Variants in MGAT5B observed in about 807,000 individuals in gnomAD.
MGAT5B encodes N-acetylglucosaminyl-transferase Vb.
MGAT5B carries 54 observed loss-of-function variants against 95.1 expected under a neutral mutation model. The ratio of observed to expected loss-of-function variants is 0.57; its 90% CI spans 0.46 to 0.71. The LOEUF (loss-of-function observed/expected upper bound fraction) is 0.71, where lower values mean the gene tolerates loss of function less well. MGAT5B is among the 30% of genes least tolerant of loss of function. The pLI is 0.00. For missense variants in MGAT5B, 935 were observed against 1,088.6 expected (o/e 0.86, Z 1.99); for synonymous variants, 464 against 451.0 (o/e 1.03, Z -0.36).
At chr17:76,873,510 C>T (rs558275081) in intron 2 of MGAT5B, among the ~76,000 whole-genome samples, 1 of 152,330 alleles carries the variant, frequency 6.6e-6, no homozygotes, top group Admixed American at 6.5e-5. Context: ...TCATCACCTA[C>T]CAGCTGTGTG....
chr17:76,943,617 G>A (rs1042553997), intron 15 of MGAT5B, among the ~76,000 whole-genome samples: 4 of 118,350 alleles, frequency 3.4e-5, no homozygotes, highest in Non-Finnish European at 5.2e-5. Flanking sequence ...TAGAGATGGG[G>A]TGGGGTGGGG....
At chr17:76,946,483 C>T (rs1288365503) in intron 16 of MGAT5B, 33 bp downstream of exon 16, 1 of 1,541,462 alleles carries the variant, frequency 6.5e-7, no homozygotes, top group East Asian at 2.4e-5. Flanking sequence ...GCCCCAGATC[C>T]TGTCAGACCA....
chr17:76,931,936 G>A (rs1400742604), intron 10 of MGAT5B, among the ~76,000 whole-genome samples: 1 of 152,074 alleles, frequency 6.6e-6, no homozygotes, highest in Non-Finnish European at 1.5e-5. Context: ...GGTCACCCGG[G>A]GGCCTCAGCC....
Position 76,938,079 on chromosome 17 carries a change from C to T in MGAT5B, c.1520C>T (p.Ala507Val), listed in dbSNP as rs1969734569. Residue 507 changes from alanine (A) to valine (V), a missense_variant, in exon 13 of 18, where the codon GCC becomes GTC. Around this residue, in one of 4 missense-constraint regions of MGAT5B, gnomAD observed 440 missense variants for 523.6 expected, o/e 0.84. Transcript: ENST00000569840. The surrounding 1 kb of genome is among the most constrained non-coding windows in gnomAD (Gnocchi z 4.3). ...AGCCAGCGGCCCCCCGAGGTGCCAG[C>T]CTTTGTGAAGAACCACGGCCTCTTA... ...YESQRPPEVP[A>V]FVKNHGLLPQ... is the part of the protein sequence containing the mutation. 5 of 1,614,248 alleles carry T rather than the reference C, an allele frequency of 3.1e-6. No homozygotes were observed. The highest frequency in any genetic ancestry group is 4.2e-6 in the Non-Finnish European group (5 of 1,180,034).
intron 8 of MGAT5B, chr17:76,913,533 G>A (rs1968818751): frequency 5.5e-6 from 2 of 366,186 alleles, no homozygotes; most frequent in Non-Finnish European, 1.1e-5. Flanking sequence ...CGGGCCCAGG[G>A]GAGGTGTGGC....
chr17:76,928,928 C>T (rs1385053195), intron 10 of MGAT5B, among the ~76,000 whole-genome samples: 3 of 151,208 alleles, frequency 2.0e-5, no homozygotes, highest in Admixed American at 6.6e-5. Flanking sequence ...TGCAGTGGCG[C>T]GACCTCGGCT....
rs1316965752 is a variant in MGAT5B at position 76,882,287 on chromosome 17, T to A, written c.318T>A (p.Phe106Leu). The A allele has an allele frequency of 5.0e-6, 8 of 1,611,554 alleles. No individual in the cohort carries two copies. The highest frequency in any genetic ancestry group is 5.9e-6 in the Non-Finnish European group (7 of 1,179,340). ...ELHRAGGDLH[F>L]PADRMPPGAG... ...ACCGGGCCGGCGGCGACCTGCACTT[T>A]CCCGCAGACAGGTGAGGGGACGTGG... Residue 106 changes from phenylalanine (F) to leucine (L), a missense_variant, in exon 3 of 18, where the codon TTT becomes TTA. This residue lies in a region of MGAT5B where 243 missense variants were observed against 228.2 expected (regional missense o/e 1.06). Transcript: ENST00000569840.
In MGAT5B at chr17:76,933,297, G is replaced by A. The variant is rs1470269387; in HGVS notation, c.1428G>A (p.Gln476=). 1 of 1,598,302 alleles carries A rather than the reference G, an allele frequency of 6.3e-7. No homozygotes were observed. Among genetic ancestry groups the A allele is most frequent in the Non-Finnish European group, 8.5e-7 (1 of 1,179,742 alleles). ...TCCCCCTGGCCACGAGGCAGCTCCA[G>A]GTATGGAAACCGCTTGCCGCCTGCC... The part of the protein sequence containing the change: ...YGKEASIWKL[Q]GKEKFLGILN... The change falls in exon 12 of 18, where the codon CAG becomes CAA. Residue 476 remains glutamine, a splice_region_variant and synonymous_variant. Transcript: ENST00000569840.
chr17:76,916,202 T>C lies in MGAT5B; in HGVS notation c.1026-8764T>C, dbSNP rs115002935. On this transcript the variant is annotated intron_variant, in intron 8 of 17. Coordinates refer to ENST00000569840, the MANE Select transcript of MGAT5B (RefSeq NM_001199172.2). The surrounding 1 kb of genome is among the most constrained non-coding windows in gnomAD (Gnocchi z 5.3). ...GCACTGCCCTGGCCCCTGCCCTTCA[T>C]TCTTCCTCGGGATCCAGGAGAGACC... Among the ~76,000 whole-genome samples the C allele has an allele frequency of 2.3e-4, 34 of 148,222 alleles. No homozygotes were observed. Among genetic ancestry groups the C allele is most frequent in the African/African-American group, 8.5e-4 (32 of 37,812 alleles).
At chr17:76,892,722 A>T (rs1967920185) in intron 3 of MGAT5B, among the ~76,000 whole-genome samples, 1 of 152,226 alleles carries the variant, frequency 6.6e-6, no homozygotes, top group Admixed American at 6.5e-5. Flanking sequence ...TGAAGCTGTG[A>T]CAGCGCCTGC....
chr17:76,924,802 A>G (rs1969245037), intron 8 of MGAT5B, among the ~76,000 whole-genome samples, 164 bp from the exon 9 acceptor site: 1 of 152,158 alleles, frequency 6.6e-6, no homozygotes, highest in Admixed American at 6.5e-5. Flanking sequence ...TGTGCAGTGA[A>G]AAACCTACGT....
rs1968552995 is a variant in MGAT5B at position 76,906,984 on chromosome 17, GTGTC to G, written c.1025+800_1025+803del. ...CCAAGGACTCTGGGTTTGCCTGAGAGTGTCTGCCAATCTCTCTGCCTCCTCCCCA... is the reference window on the plus strand; with the variant it reads ...CCAAGGACTCTGGGTTTGCCTGAGAGTGCCAATCTCTCTGCCTCCTCCCCA... On this transcript the variant is annotated intron_variant, in intron 8 of 17. Coordinates refer to ENST00000569840, the MANE Select transcript of MGAT5B (RefSeq NM_001199172.2). The surrounding 1 kb of genome is among the most constrained non-coding windows in gnomAD (Gnocchi z 4.6). Among the ~76,000 whole-genome samples the G allele has an allele frequency of 6.6e-6, 1 of 152,032 alleles. No individual in the cohort carries two copies. Among genetic ancestry groups the G allele is most frequent in the Admixed American group, 6.6e-5 (1 of 15,266 alleles).
chr17:76,905,971 A>G lies in MGAT5B; in HGVS notation c.856-47A>G, dbSNP rs777708988. On this transcript the variant is annotated intron_variant, in intron 7 of 17. Transcript: ENST00000569840. This position sits in a 1 kb window ranked among gnomAD's most constrained non-coding sequence, Gnocchi z 4.2. ...CCGGTGCCCCGGGGGGGCGGGGCTC[A>G]GAGCTGCTGCTCCTCTCTGCTGACC... is the stretch of plus-strand genomic sequence containing the variant. 14 of 1,528,822 alleles carry G rather than the reference A, an allele frequency of 9.2e-6. No homozygotes were observed. The highest frequency in any genetic ancestry group is 5.0e-5 in the South Asian group (4 of 79,344). The allele number at this position is 1,528,822 out of a possible 1,614,324, so 94.7% of individuals were successfully genotyped here.
intron 15 of MGAT5B, among the ~76,000 whole-genome samples, chr17:76,942,435 G>A (rs1202157572): frequency 2.0e-5 from 3 of 152,202 alleles, no homozygotes; most frequent in Non-Finnish European, 4.4e-5. Context: ...GCTGAGGCAG[G>A]AGAATCGCTT....
At chr17:76,878,733 C>T (rs553461591) in intron 2 of MGAT5B, among the ~76,000 whole-genome samples, 3 of 152,336 alleles carry the variant, frequency 2.0e-5, no homozygotes, top group Non-Finnish European at 4.4e-5. Context: ...CCTTGGCCTC[C>T]CCAAGTGCTG....
chr17:76,926,808 G>A, intron 10 of MGAT5B, 78 bp downstream of exon 10: 1 of 1,523,416 alleles, frequency 6.6e-7, no homozygotes, highest in Non-Finnish European at 9.0e-7. Context: ...GGCGGCCAGG[G>A]TCTCGCTCCT....
chr17:76,868,861 C>T lies in MGAT5B; in HGVS notation c.-169C>T, dbSNP rs555015953. The T allele has an allele frequency of 2.5e-5, 10 of 396,354 alleles. No homozygotes were observed. The highest frequency in any genetic ancestry group is 3.8e-5 in the Non-Finnish European group (9 of 234,258). The allele number at this position is 396,354 out of a possible 1,614,324, so 24.6% of individuals were successfully genotyped here. ...CCTCCGGCAGCCGCGCCGCTCCCTC[C>T]GCTGCACGCCCAGGCCTGAGCAGCG... On this transcript the variant is annotated 5_prime_UTR_variant, in exon 1 of 18. Transcript: ENST00000569840. The surrounding 1 kb of genome is among the most constrained non-coding windows in gnomAD (Gnocchi z 6.3).
In MGAT5B at chr17:76,870,532, T is replaced by C. The variant is rs934918948; in HGVS notation, c.68+1435T>C. On this transcript the variant is annotated intron_variant, in intron 1 of 17. Transcript: ENST00000569840. This position sits in a 1 kb window ranked among gnomAD's most constrained non-coding sequence, Gnocchi z 5.0. Reference sequence around the variant, plus strand: ...GGCCGCTGGGTGTTTCCTGGCGCGATTGGAAGCAGCCGCGAGACCCCAGCA... The same window carrying C: ...GGCCGCTGGGTGTTTCCTGGCGCGACTGGAAGCAGCCGCGAGACCCCAGCA... Among the ~76,000 whole-genome samples the C allele has an allele frequency of 2.0e-5, 3 of 152,148 alleles. No individual in the cohort carries two copies. The highest frequency in any genetic ancestry group is 2.1e-4 in the South Asian group (1 of 4,830).
chr17:76,898,755 G>T (rs1342917759), intron 3 of MGAT5B, among the ~76,000 whole-genome samples: 1 of 152,116 alleles, frequency 6.6e-6, no homozygotes, highest in Non-Finnish European at 1.5e-5. Context: ...TTCTTTAGTG[G>T]TGATCTGTGA....
Sources: allele counts gnomAD v4.1 joint callset (sites outside exome capture counted in the v4.1 genomes callset), GRCh38; gene constraint gnomAD v4.1.1; regional missense constraint gnomAD v4.1.1; non-coding constraint Gnocchi (gnomAD v3.1); transcripts MANE v1.5; gene names NCBI Gene and HGNC (gene_info 2026-07-23, HGNC 2026-07-21).